BNC2: variants seen among roughly 807,000 people sequenced by gnomAD.
BNC2 encodes basonuclin zinc finger protein 2.
In BNC2, 20 loss-of-function variants were observed where a neutral mutation model predicts 76.3. The observed-to-expected ratio is 0.26, with a 90% CI of 0.18 to 0.38. The LOEUF (loss-of-function observed/expected upper bound fraction) is 0.38, where lower values mean the gene tolerates loss of function less well. BNC2 is among the 10% of genes least tolerant of loss of function. The pLI is 1.00. For missense variants in BNC2, 1,382 were observed against 1,399.8 expected (o/e 0.99, Z 0.20); for synonymous variants, 582 against 514.8 (o/e 1.13, Z -1.77).
rs1441764102 is a variant in BNC2, at chr9:16,540,185, C to T, written c.669+12345G>A. On this transcript the variant is annotated intron_variant, in intron 5 of 6. Coordinates refer to ENST00000380672, the MANE Select transcript of BNC2 (RefSeq NM_017637.6). ...TTTTTTTTTTTTTTTTTTTTGGTAA[C>T]TGCAAGACACAACCCAGGGTAACCA... Among the ~76,000 whole-genome samples, 4 of 115,704 alleles carry T rather than the reference C, an allele frequency of 3.5e-5. No individual in the cohort carries two copies. The East Asian group carries it at 1.1e-3, about 31-fold the overall frequency. The allele number at this position is 115,704 out of a possible 152,430, so 75.9% of individuals were successfully genotyped here.
chr9:16,561,934 G>A (rs554853792), intron 4 of BNC2, among the ~76,000 whole-genome samples: 4 of 152,124 alleles, frequency 2.6e-5, no homozygotes, highest in African/African-American at 9.7e-5. Flanking sequence ...AGCCCACGGA[G>A]GTCGAAGCTG....
chr9:16,668,721 G>T (rs1000502020), intron 3 of BNC2, among the ~76,000 whole-genome samples: 2 of 152,178 alleles, frequency 1.3e-5, no homozygotes, highest in Non-Finnish European at 2.9e-5. Context: ...AGGAAGAATT[G>T]GCAGGGTGGT....
intron 1 of BNC2, among the ~76,000 whole-genome samples, chr9:16,835,417 G>T (rs914832562): frequency 7.9e-5 from 12 of 152,114 alleles, no homozygotes; most frequent in African/African-American, 2.7e-4. Flanking sequence ...TTGTGTACTT[G>T]GCCAGGCATG....
chr9:16,557,052 T>G (rs139029529), intron 4 of BNC2, among the ~76,000 whole-genome samples: 1 of 152,088 alleles, frequency 6.6e-6, no homozygotes, highest in Non-Finnish European at 1.5e-5. Context: ...CTGGATCTTG[T>G]AGGGTTAGGA....
chr9:16,418,826 TCAAGGAAATACGTGTGTG>T lies in BNC2; in HGVS notation c.*145_*162del. ...GCACCTAGTGTTTATCTTGTTTATCTCAAGGAAATACGTGTGTGTATATGTAGCCACAGAGCATACATA... is the reference window on the plus strand; with the variant it reads ...GCACCTAGTGTTTATCTTGTTTATCTTATATGTAGCCACAGAGCATACATA... On this transcript the variant is annotated 3_prime_UTR_variant, in exon 7 of 7. Transcript: ENST00000380672. 1.3e-6 allele frequency: 1 copy of T among 783,290 alleles called. No homozygotes were observed. The highest frequency in any genetic ancestry group is 2.1e-6 in the Non-Finnish European group (1 of 481,438). 48.5% of individuals were successfully genotyped at this position (783,290 alleles called of 1,614,324 possible).
chr9:16,834,557 G>T (rs901071920), intron 1 of BNC2, among the ~76,000 whole-genome samples: 1 of 152,148 alleles, frequency 6.6e-6, no homozygotes, highest in Non-Finnish European at 1.5e-5. Context: ...GTAGAAAGAA[G>T]AAAACAATGC....
chr9:16,703,079 A>T (rs1467757166), intron 3 of BNC2, among the ~76,000 whole-genome samples: 1 of 152,160 alleles, frequency 6.6e-6, no homozygotes, highest in African/African-American at 2.4e-5. Flanking sequence ...TATTAGAGAG[A>T]TGTGATACTG....
chr9:16,426,858 C>T (rs1233353287), intron 6 of BNC2, among the ~76,000 whole-genome samples: 2 of 152,194 alleles, frequency 1.3e-5, no homozygotes, highest in Non-Finnish European at 2.9e-5. Flanking sequence ...TTATTAACCA[C>T]TCCCAACATC....
At chr9:16,640,507 C>T (rs1368568426) in intron 3 of BNC2, among the ~76,000 whole-genome samples, 3 of 152,026 alleles carry the variant, frequency 2.0e-5, no homozygotes, top group African/African-American at 7.2e-5. Flanking sequence ...TAATAGTTTC[C>T]AAAGAAAGCA....
At chr9:16,464,564 T>C (rs1241094873) in intron 5 of BNC2, among the ~76,000 whole-genome samples, 1 of 148,990 alleles carries the variant, frequency 6.7e-6, no homozygotes, top group Non-Finnish European at 1.5e-5. Flanking sequence ...ATTAAATAAT[T>C]AATATAAGAT....
chr9:16,474,478 A>G (rs947916186), intron 5 of BNC2, among the ~76,000 whole-genome samples: 2 of 152,176 alleles, frequency 1.3e-5, no homozygotes, highest in Non-Finnish European at 2.9e-5. Flanking sequence ...TTGTAATTGA[A>G]TAGAGGAGGT....
At chr9:16,714,726 A>C (rs1823948128) in intron 3 of BNC2, among the ~76,000 whole-genome samples, 1 of 152,208 alleles carries the variant, frequency 6.6e-6, no homozygotes, top group African/African-American at 2.4e-5. Flanking sequence ...CCCCATTTGC[A>C]GATCATTTTA....
intron 5 of BNC2, among the ~76,000 whole-genome samples, chr9:16,465,766 T>C (rs1338950158): frequency 2.0e-5 from 3 of 152,164 alleles, no homozygotes; most frequent in Admixed American, 6.5e-5. Flanking sequence ...CTAAAAAAAG[T>C]TCCACTTAGG....
intron 1 of BNC2, among the ~76,000 whole-genome samples, chr9:16,820,786 C>A (rs1818306844): frequency 6.7e-6 from 1 of 148,342 alleles, no homozygotes. Context: ...TAAAATGAAA[C>A]AGGCCAAGTG....
intron 1 of BNC2, among the ~76,000 whole-genome samples, chr9:16,815,108 GCA>G (rs1402609830): frequency 6.6e-6 from 1 of 152,114 alleles, no homozygotes; most frequent in African/African-American, 2.4e-5. Flanking sequence ...CCTTTGAAAA[GCA>G]GCTGCCCAAA....
At chr9:16,643,442 C>G (rs930683640) in intron 3 of BNC2, among the ~76,000 whole-genome samples, 2 of 152,046 alleles carry the variant, frequency 1.3e-5, no homozygotes, top group Non-Finnish European at 2.9e-5. Context: ...AAAGGCTGGT[C>G]TGGAATCCAC....
chr9:16,652,068 CTAAA>C (rs766573260), intron 3 of BNC2, among the ~76,000 whole-genome samples: 7 of 152,094 alleles, frequency 4.6e-5, no homozygotes, highest in Non-Finnish European at 8.8e-5. Context: ...TTGATATATC[CTAAA>C]TAGTTTGCTT....
In BNC2 at chr9:16,692,341, C is replaced by T. The variant is rs1178653520; in HGVS notation, c.330+35456G>A. ...CCAGCTATCTTAAAGACAGGTAATA[C>T]TGAAAGAGTTCTAGCTTTGCAATTA... On this transcript the variant is annotated intron_variant, in intron 3 of 6. Transcript: ENST00000380672. 2.6e-5 allele frequency among the ~76,000 whole-genome samples: 4 copies of T among 152,152 alleles called. No individual in the cohort carries two copies. In the East Asian group the frequency reaches 7.7e-4, roughly 29 times the overall value.
chr9:16,575,531 G>A (rs890943585), intron 4 of BNC2: 2 of 736,980 alleles, frequency 2.7e-6, no homozygotes, highest in African/African-American at 3.8e-5. Context: ...CAAAAAGTGT[G>A]CAGGCTGAGA....
Sources: allele counts gnomAD v4.1 joint callset (sites outside exome capture counted in the v4.1 genomes callset), GRCh38; gene constraint gnomAD v4.1.1; transcripts MANE v1.5; gene names NCBI Gene and HGNC (gene_info 2026-07-23, HGNC 2026-07-21).